Variants in COQ3 observed in about 807,000 individuals in gnomAD.
COQ3 encodes the protein ubiquinone biosynthesis O-methyltransferase, mitochondrial.
In COQ3, 29 loss-of-function variants were observed where a neutral mutation model predicts 33.1. The observed-to-expected ratio is 0.88, with a 90% CI of 0.65 to 1.19. The LOEUF is 1.19. Among genes scored for constraint, COQ3 ranks in the 50% most tolerant of loss-of-function variants. COQ3 has a pLI of 0.00. For missense variants in COQ3, 437 were observed against 430.7 expected, an observed-to-expected ratio of 1.01 and a Z score of -0.13; for synonymous variants, 173 against 157.8, an observed-to-expected ratio of 1.10 and a Z score of -0.72.
At chr6:99,374,145 T>TAAAAAAAAA (rs1314134810) in intron 5 of COQ3, among the ~76,000 whole-genome samples, 1 of 144,074 alleles carries the variant, frequency 6.9e-6, no homozygotes, top group East Asian at 2.1e-4. Flanking sequence ...AAAAAAAAAT[T>TAAAAAAAAA]AATAAAATTT....
At chr6:99,376,259 G>T in intron 4 of COQ3, 77 bp from the exon 5 acceptor site, 1 of 1,473,588 alleles carries the variant, frequency 6.8e-7, no homozygotes, top group Non-Finnish European at 9.2e-7. Context: ...TATCAAAAAT[G>T]AAACAAGATT....
rs56120012 is a variant in COQ3, at chr6:99,385,579, G to C, written c.107-1755C>G. On this transcript the variant is annotated intron_variant, in intron 1 of 6. Coordinates refer to ENST00000254759, the MANE Select transcript of COQ3 (RefSeq NM_017421.4). ...TCTCAGGGATATTTTAAAAATTGAA[G>C]TAAATGAAAATAAATGTACTACATA... is the stretch of plus-strand genomic sequence containing the variant. Among the ~76,000 whole-genome samples the C allele has an allele frequency of 3.1e-3, 473 of 152,192 alleles. 2 individuals are homozygous for C. The highest frequency in any genetic ancestry group is 4.9e-3 in the Non-Finnish European group (336 of 67,986).
chr6:99,393,249 A>G (rs1043747965), intron 1 of COQ3, among the ~76,000 whole-genome samples: 8 of 150,876 alleles, frequency 5.3e-5, no homozygotes, highest in East Asian at 1.9e-4. Flanking sequence ...TCTTAACACT[A>G]TATCTTACTA....
At chr6:99,376,493 ATATT>A (rs1774286559) in intron 4 of COQ3, among the ~76,000 whole-genome samples, 1 of 152,258 alleles carries the variant, frequency 6.6e-6, no homozygotes, top group Admixed American at 6.5e-5. Flanking sequence ...CAGTATTAAC[ATATT>A]TAAAGTGCAA....
At chr6:99,379,188 G>A (rs543240049) in intron 3 of COQ3, among the ~76,000 whole-genome samples, 1 of 151,890 alleles carries the variant, frequency 6.6e-6, no homozygotes. Context: ...TTAATGGTTG[G>A]AGCCTTTCAG....
intron 5 of COQ3, among the ~76,000 whole-genome samples, chr6:99,375,385 TC>T (rs1774254603): frequency 6.6e-6 from 1 of 151,302 alleles, no homozygotes; most frequent in African/African-American, 2.4e-5. Context: ...CCAATATTTT[TC>T]TTTTTTTTTT....
chr6:99,386,227 C>T (rs1040159279), intron 1 of COQ3, among the ~76,000 whole-genome samples: 1 of 151,982 alleles, frequency 6.6e-6, no homozygotes, highest in African/African-American at 2.4e-5. Context: ...GTCAGGAGTT[C>T]GAGACCAGGC....
intron 5 of COQ3, among the ~76,000 whole-genome samples, chr6:99,372,579 G>A (rs981670024): frequency 4.0e-5 from 6 of 151,860 alleles, no homozygotes; most frequent in South Asian, 2.1e-4. Flanking sequence ...CACCACGCCC[G>A]GCTAATGTTT....
chr6:99,373,870 T>C (rs1774207722), intron 5 of COQ3, among the ~76,000 whole-genome samples: 1 of 151,730 alleles, frequency 6.6e-6, no homozygotes. Flanking sequence ...ATTAGCTAGA[T>C]ATGGTGGCAT....
intron 6 of COQ3, among the ~76,000 whole-genome samples, chr6:99,370,317 T>TTTTC (rs1199999206): frequency 6.6e-6 from 1 of 151,150 alleles, no homozygotes; most frequent in Non-Finnish European, 1.5e-5. Flanking sequence ...TCCTACTTTC[T>TTTTC]TTTCTTTCTT....
chr6:99,369,823 G>T lies in COQ3; in HGVS notation c.890-3C>A. ...CACTGTTTGAACTGACAGACCATCTGAAAAAAAAAAAAATCAGAAAGAGTA... is the reference window on the plus strand; with the variant it reads ...CACTGTTTGAACTGACAGACCATCTTAAAAAAAAAAAAATCAGAAAGAGTA... On this transcript the variant is annotated splice_polypyrimidine_tract_variant and splice_region_variant and intron_variant, in intron 6 of 6. Transcript: ENST00000254759. The T allele has an allele frequency of 4.3e-6, 5 of 1,170,102 alleles. No homozygotes were observed. The highest frequency in any genetic ancestry group is 2.9e-5 in the East Asian group (1 of 34,346). 72.5% of individuals were successfully genotyped at this position (1,170,102 alleles called of 1,614,324 possible).
intron 5 of COQ3, among the ~76,000 whole-genome samples, chr6:99,373,067 T>C (rs932137923): frequency 6.6e-6 from 1 of 152,188 alleles, no homozygotes; most frequent in South Asian, 2.1e-4. Context: ...AGCTCTAGTA[T>C]TCTAAAATAT....
At chr6:99,373,194 G>T (rs1287864775) in intron 5 of COQ3, among the ~76,000 whole-genome samples, 5 of 152,136 alleles carry the variant, frequency 3.3e-5, no homozygotes, top group Non-Finnish European at 5.9e-5. Flanking sequence ...TAGTGCTGAG[G>T]CAGGAGGATT....
At chr6:99,374,743 G>C (rs970260841) in intron 5 of COQ3, among the ~76,000 whole-genome samples, 5 of 152,154 alleles carry the variant, frequency 3.3e-5, no homozygotes, top group African/African-American at 4.8e-5. Context: ...TAAATGCCTA[G>C]AGACCTCTGA....
intron 1 of COQ3, among the ~76,000 whole-genome samples, chr6:99,385,047 G>T (rs565893889): frequency 3.9e-4 from 59 of 152,300 alleles, no homozygotes; most frequent in African/African-American, 1.4e-3. Flanking sequence ...GGAGGCAGAG[G>T]CTGCAGTGAG....
At chr6:99,371,669 C>CT in intron 5 of COQ3, 82 bp from the exon 6 acceptor site, 1 of 867,368 alleles carries the variant, frequency 1.2e-6, no homozygotes, top group South Asian at 1.6e-5. Context: ...CCCCTCCCTC[C>CT]TCCTTTCTTC....
At chr6:99,381,831 C>G (rs561279365) in intron 2 of COQ3, among the ~76,000 whole-genome samples, 298 of 151,108 alleles carry the variant, frequency 2.0e-3, no homozygotes, top group Non-Finnish European at 3.3e-3. Flanking sequence ...GAGGCTGAGG[C>G]ACGAGAATTG....
rs755498626 is a variant in COQ3, at chr6:99,371,454, T to C, written c.863A>G (p.Glu288Gly). The C allele has an allele frequency of 1.3e-6, 2 of 1,599,036 alleles. No homozygotes were observed. The highest frequency in any genetic ancestry group is 1.3e-5 in the African/African-American group (1 of 74,166). The change falls in exon 6 of 7, where the codon GAA (glutamate) becomes GGA (glycine). Residue 288 changes from glutamate to glycine, a missense_variant. Physicochemically the swap from Glu to Gly is moderately conservative, Grantham distance 98. Coordinates refer to ENST00000254759, the MANE Select transcript of COQ3 (RefSeq NM_017421.4). ...TGATTCCAGAATGCTCTCTAGTGTT[T>C]CAGGTGAAACAAACTTCTCCCATGT... ...THTWEKFVSP[E>G]TLESILESNG...
intron 5 of COQ3, among the ~76,000 whole-genome samples, chr6:99,375,114 C>T (rs4382271): frequency 0.36 from 54,793 of 151,108 alleles, 10,327 homozygotes; most frequent in South Asian, 0.57. Context: ...GGATTACAGG[C>T]ATGCGCCACC....
Sources: gnomAD v4.1 joint callset for allele counts (sites outside exome capture counted in the v4.1 genomes callset) on GRCh38, gnomAD v4.1.1 for gene constraint, MANE v1.5 for transcripts, NCBI Gene and HGNC (gene_info 2026-07-23, HGNC 2026-07-21) for gene names.